The following PCDHA1 variants were observed in gnomAD, a reference collection of about 807,000 sequenced individuals.
PCDHA1 encodes protocadherin alpha-1.
PCDHA1 carries 42 observed loss-of-function variants against 61.3 expected under a neutral mutation model. The ratio of observed to expected loss-of-function variants is 0.69; its 90% CI spans 0.54 to 0.89. The LOEUF (loss-of-function observed/expected upper bound fraction) is 0.89, where lower values mean the gene tolerates loss of function less well. PCDHA1 is among the 40% of genes least tolerant of loss of function. The pLI, the probability that PCDHA1 is intolerant of heterozygous loss-of-function variation, is 0.00. For missense variants in PCDHA1, 1,256 were observed against 1,235.3 expected (o/e 1.02, Z -0.25); for synonymous variants, 610 against 553.8 (o/e 1.10, Z -1.43).
chr5:140,872,829 G>T (rs187637058), intron 1 of PCDHA1, among the ~76,000 whole-genome samples: 6 of 152,156 alleles, frequency 3.9e-5, no homozygotes, highest in African/African-American at 1.4e-4. Flanking sequence ...ATCTAGCAGA[G>T]AAAAAATTAA....
rs2042221712 is a variant in PCDHA1 at position 140,852,026 on chromosome 5, C to T, written c.2394+63342C>T. The T allele has an allele frequency of 3.2e-6, 3 of 945,562 alleles. 1 individual carries two copies. Among genetic ancestry groups the T allele is most frequent in the Non-Finnish European group, 1.3e-6 (1 of 780,832 alleles). The allele number at this position is 945,562 out of a possible 1,614,324, so 58.6% of individuals were successfully genotyped here. On this transcript the variant is annotated intron_variant, in intron 1 of 3. Transcript: ENST00000504120. ...CTAATTTATAGTTTTAAAAACTTCG[C>T]TTATTGAGTTTTTGTTATGTGGTTT...
chr5:140,971,123 G>A (rs1305525231), intron 1 of PCDHA1, among the ~76,000 whole-genome samples: 1 of 152,182 alleles, frequency 6.6e-6, no homozygotes, highest in Non-Finnish European at 1.5e-5. Context: ...GTGGGCTACA[G>A]GTGGTGAAGA....
At chr5:140,795,015 G>T (rs1241747001) in intron 1 of PCDHA1, 1 of 1,613,754 alleles carries the variant, frequency 6.2e-7, no homozygotes, top group Non-Finnish European at 8.5e-7. Flanking sequence ...GGCTGCTCTC[G>T]CTTCTGCTCC....
chr5:140,826,087 T>C (rs1486098710), intron 1 of PCDHA1, among the ~76,000 whole-genome samples: 1 of 152,234 alleles, frequency 6.6e-6, no homozygotes, highest in East Asian at 1.9e-4. Flanking sequence ...ATTTTATAAG[T>C]ACCCTTCTAT....
At position 141,011,610 on chromosome 5, in the gene PCDHA1, A is replaced by G. The variant is rs1259686391; in HGVS notation, c.*1673A>G. ...ACTGGTGATTCAAGGAATTTTATTT[A>G]TGGTCCAGCCAAGAGCCATCTCGTG... On this transcript the variant is annotated 3_prime_UTR_variant, in exon 4 of 4. Transcript: ENST00000504120. 6 of 153,722 alleles carry G rather than the reference A, an allele frequency of 3.9e-5. No individual in the cohort carries two copies. Among genetic ancestry groups the G allele is most frequent in the African/African-American group, 1.2e-4 (5 of 41,448 alleles). 9.5% of individuals were successfully genotyped at this position (153,722 alleles called of 1,614,324 possible). A position where few individuals can be genotyped will look rare whatever the true frequency, so the allele number is the denominator to read the frequency against.
At chr5:140,808,553 G>A (rs1764200518) in intron 1 of PCDHA1, 1 of 1,614,088 alleles carries the variant, frequency 6.2e-7, no homozygotes, top group Non-Finnish European at 8.5e-7. Flanking sequence ...TCCGGCGTTC[G>A]CGCAGCCCGA....
chr5:140,873,030 C>T (rs251373), intron 1 of PCDHA1, among the ~76,000 whole-genome samples: 67,234 of 151,934 alleles, frequency 0.44, 15,336 homozygotes, highest in South Asian at 0.58. Context: ...TCTTACTACA[C>T]GTAGAGTGGT....
At chr5:140,838,881 C>A (rs2150293311) in intron 1 of PCDHA1, among the ~76,000 whole-genome samples, 1 of 151,836 alleles carries the variant, frequency 6.6e-6, no homozygotes, top group African/African-American at 2.4e-5. Flanking sequence ...TGCCACTGAA[C>A]TCCAGCCTAG....
intron 3 of PCDHA1, among the ~76,000 whole-genome samples, chr5:141,005,681 G>A (rs970656529): frequency 2.7e-5 from 3 of 112,616 alleles, no homozygotes; most frequent in African/African-American, 3.6e-5. Flanking sequence ...CAGCCTGGGC[G>A]ACAGAGCGAA....
chr5:140,790,081 AT>A (rs1172726297), intron 1 of PCDHA1, among the ~76,000 whole-genome samples: 1 of 152,258 alleles, frequency 6.6e-6, no homozygotes, highest in East Asian at 1.9e-4. Context: ...GTATGAAAAA[AT>A]AACAATAAAA....
chr5:141,001,987 A>C (rs547998020), intron 3 of PCDHA1, among the ~76,000 whole-genome samples: 3 of 152,302 alleles, frequency 2.0e-5, no homozygotes, highest in African/African-American at 7.2e-5. Context: ...AAAGCCTGGA[A>C]GTTCACTTGC....
intron 1 of PCDHA1, among the ~76,000 whole-genome samples, chr5:140,913,735 G>A (rs1416656981): frequency 6.6e-6 from 1 of 151,834 alleles, no homozygotes; most frequent in Non-Finnish European, 1.5e-5. Context: ...CCCTCTAATA[G>A]TACTCCTTTT....
chr5:140,915,488 C>T (rs2077146969), intron 1 of PCDHA1, among the ~76,000 whole-genome samples: 1 of 152,126 alleles, frequency 6.6e-6, no homozygotes, highest in Non-Finnish European at 1.5e-5. Flanking sequence ...GGGCCTCAAT[C>T]CCAATAATAC....
At position 140,840,122 on chromosome 5, in the gene PCDHA1, T is replaced by A. The variant is rs184520865; in HGVS notation, c.2394+51438T>A. On this transcript the variant is annotated intron_variant, in intron 1 of 3. Coordinates refer to ENST00000504120, the MANE Select transcript of PCDHA1 (RefSeq NM_018900.4). ...TAGTGAAATCGAGTGAAAGCTGTACTAATAAGGACAGAAATTATCACACGT... is the reference window on the plus strand; with the variant it reads ...TAGTGAAATCGAGTGAAAGCTGTACAAATAAGGACAGAAATTATCACACGT... 2.2e-3 allele frequency among the ~76,000 whole-genome samples: 336 copies of A among 152,116 alleles called. 4 individuals are homozygous for A. The highest frequency in any genetic ancestry group is 7.4e-3 in the African/African-American group (307 of 41,470).
At chr5:140,801,282 G>T (rs782159759) in intron 1 of PCDHA1, 6 of 1,613,380 alleles carry the variant, frequency 3.7e-6, no homozygotes, top group African/African-American at 1.3e-5. Context: ...GGTGGGGAGC[G>T]GCCAGCTCCA....
Position 140,850,539 on chromosome 5 carries a change from G to A in PCDHA1, c.2394+61855G>A, listed in dbSNP as rs1310321897. 6.3e-7 allele frequency: 1 copy of A among 1,598,284 alleles called. No individual in the cohort carries two copies. Among genetic ancestry groups the A allele is most frequent in the Non-Finnish European group, 8.6e-7 (1 of 1,167,870 alleles). On this transcript the variant is annotated intron_variant, in intron 1 of 3. Coordinates refer to ENST00000504120, the MANE Select transcript of PCDHA1 (RefSeq NM_018900.4). ...CCAGGCGCCAAAGTCATCGTCGCGG[G>A]CGTCAGTGGGTGCCACGGGCCCCGA...
Position 140,841,742 on chromosome 5 carries a change from T to G in PCDHA1, c.2394+53058T>G, listed in dbSNP as rs2150322045. On this transcript the variant is annotated intron_variant, in intron 1 of 3. Transcript: ENST00000504120. ...GTTCCGGGTAAAAGACCAAAAGCTG[T>G]TTGTTTCAGAATCCAGAATGCCAGA... 8 of 1,613,830 alleles carry G rather than the reference T, an allele frequency of 5.0e-6. 1 individual carries two copies. In the South Asian group the frequency reaches 8.8e-5, roughly 18 times the overall value.
chr5:140,876,976 C>A (rs782283591), intron 1 of PCDHA1: 2 of 1,612,586 alleles, frequency 1.2e-6, no homozygotes, highest in Admixed American at 1.7e-5. Context: ...GGTGGGCGAG[C>A]ACGCACTGTC....
intron 3 of PCDHA1, among the ~76,000 whole-genome samples, chr5:140,983,034 C>G (rs923296416): frequency 2.6e-5 from 4 of 151,944 alleles, no homozygotes; most frequent in Non-Finnish European, 5.9e-5. Context: ...GATGGTTTCT[C>G]ATGGAAGTGG....
Sources: gnomAD v4.1 joint callset for allele counts (sites outside exome capture counted in the v4.1 genomes callset) on GRCh38, gnomAD v4.1.1 for gene constraint, MANE v1.5 for transcripts, NCBI Gene and HGNC (gene_info 2026-07-23, HGNC 2026-07-21) for gene names.